PDE7B: variants seen among roughly 807,000 people sequenced by gnomAD.
PDE7B encodes the protein phosphodiesterase 7B, also known as 3',5'-cyclic-AMP phosphodiesterase 7B.
A neutral mutation model predicts 56.2 loss-of-function variants in PDE7B; 29 were observed. That is an observed-to-expected ratio of 0.52 (90% CI 0.38 to 0.70). PDE7B has a LOEUF of 0.70. PDE7B is among the 30% of genes least tolerant of loss of function. PDE7B has a pLI of 0.00. For missense variants in PDE7B, 490 were observed against 565.0 expected (o/e 0.87, Z 1.35); for synonymous variants, 197 against 196.9 (o/e 1.00, Z 0.00).
chr6:135,943,336 G>A (rs1014516374), intron 1 of PDE7B, among the ~76,000 whole-genome samples: 1 of 152,158 alleles, frequency 6.6e-6, no homozygotes, highest in Admixed American at 6.5e-5. Context: ...ATAAGAAGAG[G>A]CAGCGACAGG....
chr6:136,097,164 A>G (rs2128216733), intron 2 of PDE7B, among the ~76,000 whole-genome samples: 1 of 152,278 alleles, frequency 6.6e-6, no homozygotes, highest in African/African-American at 2.4e-5. Context: ...CTTCATGATG[A>G]CCCATAGTTT....
Position 135,959,360 on chromosome 6 carries a change from T to C in PDE7B, c.82+11836T>C, listed in dbSNP as rs1172108946. 2.6e-5 allele frequency among the ~76,000 whole-genome samples: 4 copies of C among 152,276 alleles called. No individual in the cohort carries two copies. The East Asian group carries it at 7.7e-4, about 29-fold the overall frequency. ...TACTATGTCAAGCTGCTTTCTAAAATTTATGTCGAAATGTAAATTTCAGAA... is the reference window on the plus strand; with the variant it reads ...TACTATGTCAAGCTGCTTTCTAAAACTTATGTCGAAATGTAAATTTCAGAA... On this transcript the variant is annotated intron_variant, in intron 2 of 12. Coordinates refer to ENST00000308191, the MANE Select transcript of PDE7B (RefSeq NM_018945.4).
At chr6:135,881,405 G>C (rs895596561) in intron 1 of PDE7B, among the ~76,000 whole-genome samples, 4 of 151,864 alleles carry the variant, frequency 2.6e-5, no homozygotes, top group Non-Finnish European at 5.9e-5. Context: ...CTACTCAGGA[G>C]GCTGAGGCAG....
At chr6:135,960,932 A>G (rs1774889097) in intron 2 of PDE7B, among the ~76,000 whole-genome samples, 1 of 152,222 alleles carries the variant, frequency 6.6e-6, no homozygotes, top group Non-Finnish European at 1.5e-5. Flanking sequence ...CTTTTGCTAT[A>G]GAACAGAAGT....
At chr6:135,916,866 TA>T (rs1365698896) in intron 1 of PDE7B, among the ~76,000 whole-genome samples, 3 of 151,858 alleles carry the variant, frequency 2.0e-5, no homozygotes, top group African/African-American at 7.2e-5. Flanking sequence ...GTTTATAATA[TA>T]TTTTTAATAT....
intron 2 of PDE7B, among the ~76,000 whole-genome samples, chr6:136,003,065 C>A (rs1437186420): frequency 4.6e-5 from 7 of 152,048 alleles, no homozygotes; most frequent in African/African-American, 1.7e-4. Flanking sequence ...AACCACTCAA[C>A]TACATGGAAA....
At chr6:136,017,415 A>C (rs1022939347) in intron 2 of PDE7B, among the ~76,000 whole-genome samples, 2 of 152,126 alleles carry the variant, frequency 1.3e-5, no homozygotes, top group Non-Finnish European at 2.9e-5. Flanking sequence ...ATATGTATAC[A>C]TATGCCATGT....
intron 2 of PDE7B, among the ~76,000 whole-genome samples, chr6:136,023,528 G>A (rs764980685): frequency 6.6e-6 from 1 of 152,192 alleles, no homozygotes; most frequent in African/African-American, 2.4e-5. Flanking sequence ...AGGCTGAGGA[G>A]CAGATAATTC....
chr6:135,902,535 C>T (rs1160410007), intron 1 of PDE7B, among the ~76,000 whole-genome samples: 1 of 152,088 alleles, frequency 6.6e-6, no homozygotes, highest in Non-Finnish European at 1.5e-5. Flanking sequence ...ACTCTCTAAG[C>T]AATATTTCCT....
chr6:135,888,451 CGT>C (rs143278979), intron 1 of PDE7B, among the ~76,000 whole-genome samples: 4 of 151,098 alleles, frequency 2.6e-5, no homozygotes, highest in Non-Finnish European at 3.0e-5. Context: ...GAAATACACA[CGT>C]GTGTGTGTGT....
At chr6:135,940,882 A>G (rs1254685181) in intron 1 of PDE7B, among the ~76,000 whole-genome samples, 1 of 152,252 alleles carries the variant, frequency 6.6e-6, no homozygotes, top group Non-Finnish European at 1.5e-5. Flanking sequence ...TTATTCATTC[A>G]TTCATTTAAT....
At chr6:135,972,568 C>T (rs996252385) in intron 2 of PDE7B, among the ~76,000 whole-genome samples, 1 of 152,178 alleles carries the variant, frequency 6.6e-6, no homozygotes, top group African/African-American at 2.4e-5. Flanking sequence ...CTTCCTGCTG[C>T]ACACATCACA....
intron 2 of PDE7B, among the ~76,000 whole-genome samples, chr6:136,060,675 T>C (rs1377085441): frequency 2.0e-5 from 3 of 152,116 alleles, no homozygotes; most frequent in Non-Finnish European, 4.4e-5. Context: ...GAGGCTCAAG[T>C]CACATAAATG....
At position 136,037,315 on chromosome 6, in the gene PDE7B, C is replaced by T. The variant is rs991875064; in HGVS notation, c.83-71416C>T. The T allele has an allele frequency of 1.4e-5, 9 of 624,662 alleles. No individual in the cohort carries two copies. In the African/African-American group the frequency reaches 1.8e-4, roughly 12 times the overall value. 38.7% of individuals were successfully genotyped at this position (624,662 alleles called of 1,614,324 possible). ...ATCTTGATGCTTCCCGAATTCGCAT[C>T]TTTCGGAGTTAACTGTGGAATGTGA... On this transcript the variant is annotated intron_variant, in intron 2 of 12. Coordinates refer to ENST00000308191, the MANE Select transcript of PDE7B (RefSeq NM_018945.4).
At chr6:136,006,848 G>T (rs1775793903) in intron 2 of PDE7B, among the ~76,000 whole-genome samples, 1 of 152,106 alleles carries the variant, frequency 6.6e-6, no homozygotes, top group Non-Finnish European at 1.5e-5. Context: ...GAATCATGTT[G>T]TCTGCAAACA....
chr6:135,934,834 T>TAA (rs1774373099), intron 1 of PDE7B, among the ~76,000 whole-genome samples: 2 of 113,426 alleles, frequency 1.8e-5, no homozygotes, highest in Admixed American at 1.1e-4. Context: ...AATAAATAAA[T>TAA]ATATATATTT....
intron 8 of PDE7B, among the ~76,000 whole-genome samples, chr6:136,170,677 A>C (rs1456540278): frequency 6.6e-6 from 1 of 152,178 alleles, no homozygotes; most frequent in Non-Finnish European, 1.5e-5. Context: ...AAGCTATGAA[A>C]GTCAAGATAG....
At chr6:135,920,536 T>C (rs752149584) in intron 1 of PDE7B, among the ~76,000 whole-genome samples, 4 of 152,196 alleles carry the variant, frequency 2.6e-5, no homozygotes, top group Non-Finnish European at 4.4e-5. Context: ...TGGACTATTT[T>C]TGTGTCACCC....
Position 135,856,966 on chromosome 6 carries a change from C to T in PDE7B, c.21+4947C>T, listed in dbSNP as rs933289498. Among the ~76,000 whole-genome samples the T allele has an allele frequency of 7.2e-5, 11 of 151,946 alleles. No homozygotes were observed. The East Asian group carries it at 1.9e-3, about 27-fold the overall frequency. The stretch of plus-strand genomic sequence containing the variant: ...CCTTCCTTTCTGCCCTTCCTCCCTC[C>T]TCTCTTCCTTTCTTCCCTCCTTCCC... On this transcript the variant is annotated intron_variant, in intron 1 of 12. Transcript: ENST00000308191.
Sources: allele counts gnomAD v4.1 joint callset (sites outside exome capture counted in the v4.1 genomes callset), GRCh38; gene constraint gnomAD v4.1.1; transcripts MANE v1.5; gene names NCBI Gene and HGNC (gene_info 2026-07-23, HGNC 2026-07-21).